The following GRID2 variants were observed in gnomAD, a reference collection of about 807,000 sequenced individuals.
GRID2 encodes the protein glutamate ionotropic receptor delta type subunit 2.
Under a neutral mutation model 114.8 loss-of-function variants are expected in GRID2, and 33 were observed. The observed-to-expected ratio is 0.29, with a 90% CI of 0.22 to 0.38. GRID2 has a LOEUF of 0.38. Ranked by LOEUF, GRID2 falls within the 10% of genes least tolerant of loss-of-function variation. The probability of loss-of-function intolerance (pLI) is 1.00; values close to 1 mark genes in which losing one functional copy is unlikely to be tolerated. For missense variants in GRID2, 1,184 were observed against 1,257.7 expected (o/e 0.94, Z 0.89); for synonymous variants, 505 against 449.9 (o/e 1.12, Z -1.55).
chr4:93,395,773 T>G (rs1765272430), intron 9 of GRID2, 65 bp downstream of exon 9: 1 of 719,188 alleles, frequency 1.4e-6, no homozygotes, highest in Admixed American at 2.1e-5. Flanking sequence ...ATTTCTTTCT[T>G]TATTAACTGA....
chr4:92,710,050 GT>G (rs1238458811), intron 2 of GRID2, among the ~76,000 whole-genome samples: 3 of 151,940 alleles, frequency 2.0e-5, no homozygotes, highest in Non-Finnish European at 4.4e-5. Context: ...ATTTTTATAT[GT>G]TTGACATACA....
At chr4:93,675,576 G>A (rs1351088616) in intron 14 of GRID2, among the ~76,000 whole-genome samples, 2 of 152,148 alleles carry the variant, frequency 1.3e-5, no homozygotes, top group African/African-American at 2.4e-5. Flanking sequence ...AGGAAACTAA[G>A]AGAAGTTGAG....
chr4:93,276,720 T>C (rs545295727), intron 8 of GRID2, among the ~76,000 whole-genome samples: 2 of 151,974 alleles, frequency 1.3e-5, no homozygotes, highest in Non-Finnish European at 2.9e-5. Context: ...TGATTGTTCA[T>C]TGCCAGTATG....
At chr4:93,126,617 A>G (rs1246485070) in intron 4 of GRID2, among the ~76,000 whole-genome samples, 2 of 15,112 alleles carry the variant, frequency 1.3e-4, no homozygotes, top group African/African-American at 4.5e-4. Context: ...TTTTTTTTTG[A>G]GACGGAGTCT....
rs1398542788 is a variant in GRID2, at chr4:92,931,213, C to T, written c.245-153782C>T. On this transcript the variant is annotated intron_variant, in intron 2 of 15. Transcript: ENST00000282020. The stretch of plus-strand genomic sequence containing the variant: ...TTGGTTTAACATTTGAAAATCAACT[C>T]ACTAATTCACCATATTAATAGAATA... Among the ~76,000 whole-genome samples, 8 of 150,832 alleles carry T rather than the reference C, an allele frequency of 5.3e-5. No homozygotes were observed. The East Asian group carries it at 1.6e-3, about 29-fold the overall frequency.
chr4:92,773,546 T>C (rs1423739904), intron 2 of GRID2, among the ~76,000 whole-genome samples: 1 of 152,116 alleles, frequency 6.6e-6, no homozygotes, highest in Non-Finnish European at 1.5e-5. Context: ...AAAGTCTTTC[T>C]ACCTTCTTTT....
chr4:93,353,483 T>C (rs1301041408), intron 8 of GRID2, among the ~76,000 whole-genome samples: 1 of 151,798 alleles, frequency 6.6e-6, no homozygotes, highest in Non-Finnish European at 1.5e-5. Flanking sequence ...AGAGAAACTG[T>C]CAAAATGGAC....
At chr4:92,464,807 G>A (rs1441961274) in intron 1 of GRID2, among the ~76,000 whole-genome samples, 1 of 152,106 alleles carries the variant, frequency 6.6e-6, no homozygotes, top group Non-Finnish European at 1.5e-5. Flanking sequence ...GATAGTATGA[G>A]AGGTTTGGCT....
intron 14 of GRID2, among the ~76,000 whole-genome samples, chr4:93,706,691 TG>T (rs1728029561): frequency 6.6e-6 from 1 of 152,186 alleles, no homozygotes; most frequent in Non-Finnish European, 1.5e-5. Flanking sequence ...CTTTGCAATT[TG>T]GATGCCCTGT....
At chr4:92,309,825 A>G (rs999008184) in intron 1 of GRID2, among the ~76,000 whole-genome samples, 1 of 151,930 alleles carries the variant, frequency 6.6e-6, no homozygotes, top group Admixed American at 6.6e-5. Flanking sequence ...AATAAAATCT[A>G]AGACACCTGG....
intron 2 of GRID2, among the ~76,000 whole-genome samples, chr4:92,593,103 G>A (rs1728783573): frequency 6.6e-6 from 1 of 151,952 alleles, no homozygotes; most frequent in South Asian, 2.1e-4. Context: ...ATAAGTGATT[G>A]CTTATATATT....
chr4:92,745,949 A>G (rs1737130742), intron 2 of GRID2, among the ~76,000 whole-genome samples: 2 of 152,096 alleles, frequency 1.3e-5, no homozygotes, highest in African/African-American at 4.8e-5. Context: ...TCTTTCTCAC[A>G]TGTTTTCATG....
At chr4:93,275,946 C>T (rs1200943698) in intron 8 of GRID2, among the ~76,000 whole-genome samples, 3 of 151,810 alleles carry the variant, frequency 2.0e-5, no homozygotes, top group Non-Finnish European at 4.4e-5. Context: ...GTTATCATTT[C>T]TAGAATAAGA....
chr4:92,371,375 A>G (rs1477641987), intron 1 of GRID2, among the ~76,000 whole-genome samples: 3 of 152,158 alleles, frequency 2.0e-5, no homozygotes. Context: ...TCCAAGCTTT[A>G]AGGGACAGGC....
At chr4:92,704,059 G>T (rs530781434) in intron 2 of GRID2, among the ~76,000 whole-genome samples, 1 of 152,088 alleles carries the variant, frequency 6.6e-6, no homozygotes, top group East Asian at 1.9e-4. Context: ...GATAGATCAC[G>T]AGGTCAGGAG....
intron 1 of GRID2, among the ~76,000 whole-genome samples, chr4:92,558,249 T>C (rs1458004976): frequency 6.6e-6 from 1 of 152,118 alleles, no homozygotes; most frequent in Non-Finnish European, 1.5e-5. Flanking sequence ...TATGCACATG[T>C]TCATGTAAGA....
intron 2 of GRID2, among the ~76,000 whole-genome samples, chr4:92,780,807 ACTTG>A (rs1739034885): frequency 6.6e-6 from 1 of 151,372 alleles, no homozygotes; most frequent in Admixed American, 6.6e-5. Context: ...AGGGATTAAA[ACTTG>A]CTTATATGCC....
chr4:92,704,983 AT>A (rs1237365587), intron 2 of GRID2, among the ~76,000 whole-genome samples: 12 of 152,114 alleles, frequency 7.9e-5, no homozygotes, highest in Non-Finnish European at 1.6e-4. Context: ...TTTCAAGGTA[AT>A]AAGTGCAAAG....
In GRID2 at chr4:92,938,965, T is replaced by C. The variant is rs1244879943; in HGVS notation, c.245-146030T>C. ...ACATTGTCTTAATCCAGTCTATCAT[T>C]GTTGGACATTTGGGTGGGTTCCAAG... On this transcript the variant is annotated intron_variant, in intron 2 of 15. Coordinates refer to ENST00000282020, the MANE Select transcript of GRID2 (RefSeq NM_001510.4). Among the ~76,000 whole-genome samples, 3 of 147,222 alleles carry C rather than the reference T, an allele frequency of 2.0e-5. 1 individual carries two copies. Among genetic ancestry groups the C allele is most frequent in the Non-Finnish European group, 4.5e-5 (3 of 66,550 alleles).
Sources: allele counts gnomAD v4.1 joint callset (sites outside exome capture counted in the v4.1 genomes callset), GRCh38; gene constraint gnomAD v4.1.1; transcripts MANE v1.5; gene names NCBI Gene and HGNC (gene_info 2026-07-23, HGNC 2026-07-21).